NLRP11: variants seen among roughly 807,000 people sequenced by gnomAD.
NLRP11 encodes NLR family pyrin domain containing 11, also known as NACHT, LRR and PYD domains-containing protein 11.
A neutral mutation model predicts 79.3 loss-of-function variants in NLRP11; 53 were observed. The ratio of observed to expected loss-of-function variants is 0.67; its 90% CI spans 0.54 to 0.84. The LOEUF (loss-of-function observed/expected upper bound fraction) is 0.84, where lower values mean the gene tolerates loss of function less well. NLRP11 is among the 40% of genes least tolerant of loss of function. NLRP11 has a pLI of 0.00. For synonymous variants in NLRP11, 518 were observed against 462.6 expected (o/e 1.12, Z -1.54); for missense variants, 1,264 against 1,255.0 (o/e 1.01, Z -0.11).
At chr19:55,786,357 C>T (rs994121270) in intron 9 of NLRP11, among the ~76,000 whole-genome samples, 3 of 152,116 alleles carry the variant, frequency 2.0e-5, no homozygotes, top group African/African-American at 7.2e-5. Context: ...AACCCCATCT[C>T]TACCAAAGAT....
intron 1 of NLRP11, among the ~76,000 whole-genome samples, chr19:55,821,250 C>CACCCA (rs1407880955): frequency 1.4e-4 from 14 of 102,572 alleles, no homozygotes; most frequent in African/African-American, 4.5e-4. Flanking sequence ...CACACACACA[C>CACCCA]CCCAAGCACT....
chr19:55,795,845 C>T (rs1392554465), intron 6 of NLRP11, among the ~76,000 whole-genome samples: 1 of 152,150 alleles, frequency 6.6e-6, no homozygotes, highest in Non-Finnish European at 1.5e-5. Context: ...TGTTATGACT[C>T]CACTGTCCAG....
At chr19:55,814,025 C>T (rs10423042) in intron 2 of NLRP11, among the ~76,000 whole-genome samples, 14,509 of 152,132 alleles carry the variant, frequency 0.095, 993 homozygotes, top group African/African-American at 0.18. Context: ...AGGGACTGGG[C>T]CCCACAGCCG....
intron 4 of NLRP11, among the ~76,000 whole-genome samples, chr19:55,806,504 G>A (rs892810450): frequency 7.9e-5 from 12 of 152,060 alleles, no homozygotes; most frequent in East Asian, 3.9e-4. Context: ...CCCGGAGTTC[G>A]CACCTCACCA....
intron 9 of NLRP11, 139 bp downstream of exon 9, chr19:55,788,668 A>G (rs939212653): frequency 8.5e-6 from 5 of 587,508 alleles, no homozygotes; most frequent in African/African-American, 2.2e-5. Context: ...TGAAGCTGGG[A>G]GGCTGATGTT....
At chr19:55,796,748 G>T (rs547341957) in intron 5 of NLRP11, among the ~76,000 whole-genome samples, 1 of 151,500 alleles carries the variant, frequency 6.6e-6, no homozygotes, top group Admixed American at 6.6e-5. Context: ...GTGCAATGGT[G>T]CGATCTCGGC....
chr19:55,811,783 G>T (rs11878824), intron 2 of NLRP11, among the ~76,000 whole-genome samples: 2 of 152,138 alleles, frequency 1.3e-5, no homozygotes, highest in African/African-American at 4.8e-5. Context: ...TTTGGAAGAT[G>T]TCTATTTAGG....
chr19:55,799,687 G>C (rs1369738760), intron 5 of NLRP11, among the ~76,000 whole-genome samples: 1 of 152,092 alleles, frequency 6.6e-6, no homozygotes, highest in Admixed American at 6.6e-5. Flanking sequence ...AAGAACCATG[G>C]AATTTGAACT....
At chr19:55,822,191 G>A (rs896744250) in intron 1 of NLRP11, among the ~76,000 whole-genome samples, 8 of 152,206 alleles carry the variant, frequency 5.3e-5, no homozygotes, top group Non-Finnish European at 1.0e-4. Flanking sequence ...TTGAACCTGG[G>A]AGGCAGAGAT....
At chr19:55,827,470 C>G (rs368903676) in intron 1 of NLRP11, among the ~76,000 whole-genome samples, 1 of 150,436 alleles carries the variant, frequency 6.6e-6, no homozygotes, top group East Asian at 2.0e-4. Flanking sequence ...CCATCAGAGT[C>G]AACAGGCAAC....
chr19:55,815,528 C>CAAA (rs11343133), intron 2 of NLRP11, among the ~76,000 whole-genome samples: 6,886 of 92,624 alleles, frequency 0.074, 363 homozygotes, highest in African/African-American at 0.13. Context: ...GACTCCATCT[C>CAAA]AAAAAAAAAA....
intron 1 of NLRP11, among the ~76,000 whole-genome samples, chr19:55,827,243 AC>A (rs1832793255): frequency 7.1e-6 from 1 of 141,670 alleles, no homozygotes; most frequent in Non-Finnish European, 1.5e-5. Context: ...TCCCTTCCTT[AC>A]ACCTTATACA....
At chr19:55,808,968 A>G (rs114892347) in exon 3 of NLRP11, 1 of 1,614,166 alleles carries the variant, frequency 6.2e-7, no homozygotes, top group African/African-American at 1.3e-5. Context: ...TCATAGAGAC[A>G]GTAAAACAAA....
chr19:55,802,944 G>A (rs1407005002), intron 4 of NLRP11, among the ~76,000 whole-genome samples: 1 of 152,160 alleles, frequency 6.6e-6, no homozygotes, highest in African/African-American at 2.4e-5. Flanking sequence ...AAATGGTGCT[G>A]GGGTAACTGG....
chr19:55,809,163 C>A lies in NLRP11; in HGVS notation c.1447G>T (p.Glu483Ter). Residue 483 changes from glutamate (E) to a stop codon, truncating the protein, a stop_gained, in exon 3 of 10, where the codon GAA becomes TAA. Coordinates refer to ENST00000589093, the Ensembl canonical transcript of NLRP11. LOFTEE classifies it high-confidence loss of function. This position sits in a 1 kb window ranked among gnomAD's most constrained non-coding sequence, Gnocchi z 4.5. ...ACTTGATTAAAGTCAGAGTATTGTTCTCTCTTCTCTTTATACTCTCTGCTG... is the reference window on the plus strand; with the variant it reads ...ACTTGATTAAAGTCAGAGTATTGTTATCTCTTCTCTTTATACTCTCTGCTG... 1 of 1,613,726 alleles carries A rather than the reference C, an allele frequency of 6.2e-7. No homozygotes were observed.
intron 3 of NLRP11, 22 bp downstream of exon 3, chr19:55,808,747 G>C (rs756330663): frequency 6.3e-7 from 1 of 1,578,040 alleles, no homozygotes; most frequent in Admixed American, 1.8e-5. Flanking sequence ...CAGGAAAGAG[G>C]ATTTATTTTT....
upstream of NLRP11, among the ~76,000 whole-genome samples, chr19:55,834,235 G>A (rs138566888): frequency 5.3e-5 from 8 of 152,146 alleles, no homozygotes; most frequent in African/African-American, 1.7e-4. Flanking sequence ...ATGAAAATAC[G>A]TGCATCACAC....
At chr19:55,785,602 A>G in exon 10 of NLRP11, 5 of 1,591,388 alleles carry the variant, frequency 3.1e-6, no homozygotes, top group Non-Finnish European at 4.3e-6. Flanking sequence ...ATTTATAATA[A>G]ATACTGTTTA....
At chr19:55,808,906 A>C (rs778920516) in exon 3 of NLRP11, 8 of 1,614,006 alleles carry the variant, frequency 5.0e-6, no homozygotes, top group Admixed American at 1.7e-5. Context: ...GGTAAACTGT[A>C]ACCTCCATGA....
Sources: allele counts gnomAD v4.1 joint callset (sites outside exome capture counted in the v4.1 genomes callset), GRCh38; gene constraint gnomAD v4.1.1; non-coding constraint Gnocchi (gnomAD v3.1); transcripts MANE v1.5; gene names NCBI Gene and HGNC (gene_info 2026-07-23, HGNC 2026-07-21).